Variants in PTPRT observed in about 807,000 individuals in gnomAD.
PTPRT encodes receptor-type tyrosine-protein phosphatase T.
In PTPRT, 56 loss-of-function variants were observed where a neutral mutation model predicts 176.8. That is an observed-to-expected ratio of 0.32 (90% confidence interval 0.26 to 0.40). The LOEUF is 0.40. Ranked by LOEUF, PTPRT falls within the 10% of genes least tolerant of loss-of-function variation. The probability of loss-of-function intolerance (pLI) is 1.00; values close to 1 mark genes in which losing one functional copy is unlikely to be tolerated. For synonymous variants in PTPRT, 783 were observed against 739.0 expected, an observed-to-expected ratio of 1.06 and a Z score of -0.96; for missense variants, 1,540 against 1,908.2, an observed-to-expected ratio of 0.81 and a Z score of 3.60.
intron 9 of PTPRT, among the ~76,000 whole-genome samples, chr20:42,431,455 G>A (rs1322480762): frequency 6.6e-6 from 1 of 152,070 alleles, no homozygotes; most frequent in African/African-American, 2.4e-5. Context: ...TATTTCCATG[G>A]TTCTATAAAG....
At chr20:43,137,664 C>T (rs1258087204) in intron 1 of PTPRT, among the ~76,000 whole-genome samples, 2 of 152,184 alleles carry the variant, frequency 1.3e-5, no homozygotes, top group African/African-American at 4.8e-5. Flanking sequence ...TCCCTGACTC[C>T]TCTTCCCCCA....
At position 42,916,292 on chromosome 20, in the gene PTPRT, A is replaced by T. The variant is rs147478781; in HGVS notation, c.89-30360T>A. On this transcript the variant is annotated intron_variant, in intron 1 of 30. Coordinates refer to ENST00000373187, the MANE Select transcript of PTPRT (RefSeq NM_007050.6). ...ATCCATGTCCCTACAAAGGACATGA[A>T]CTCATCACTTTTTATGGCTGCATAG... 3.5e-3 allele frequency among the ~76,000 whole-genome samples: 535 copies of T among 152,030 alleles called. 5 individuals carry two copies. Among genetic ancestry groups the T allele is most frequent in the African/African-American group, 0.012 (510 of 41,484 alleles).
At chr20:42,739,174 C>T (rs1467864896) in intron 6 of PTPRT, among the ~76,000 whole-genome samples, 1 of 152,184 alleles carries the variant, frequency 6.6e-6, no homozygotes, top group Non-Finnish European at 1.5e-5. Flanking sequence ...AGGCTCGACC[C>T]CTGCACCTGA....
chr20:42,828,736 G>T (rs1178023039), intron 2 of PTPRT, among the ~76,000 whole-genome samples: 1 of 152,196 alleles, frequency 6.6e-6, no homozygotes, highest in Non-Finnish European at 1.5e-5. Flanking sequence ...TCCATGTGGT[G>T]TTGAGCCTGA....
intron 1 of PTPRT, among the ~76,000 whole-genome samples, chr20:43,114,947 T>C (rs1195832090): frequency 6.6e-6 from 1 of 152,178 alleles, no homozygotes; most frequent in Non-Finnish European, 1.5e-5. Context: ...GAGCTGTAGT[T>C]ATAAATAGTA....
At chr20:43,085,431 C>A (rs1052943093) in intron 1 of PTPRT, among the ~76,000 whole-genome samples, 4 of 152,192 alleles carry the variant, frequency 2.6e-5, no homozygotes, top group Non-Finnish European at 5.9e-5. Flanking sequence ...ATTCATCCAA[C>A]AAGTATTATC....
At chr20:42,579,419 T>C (rs902349885) in intron 7 of PTPRT, among the ~76,000 whole-genome samples, 1 of 152,162 alleles carries the variant, frequency 6.6e-6, no homozygotes, top group African/African-American at 2.4e-5. Flanking sequence ...TTTGGGTAAA[T>C]ACCCAGTAAT....
chr20:42,288,385 T>G (rs1183974478), intron 12 of PTPRT, among the ~76,000 whole-genome samples: 1 of 151,940 alleles, frequency 6.6e-6, no homozygotes, highest in Non-Finnish European at 1.5e-5. Flanking sequence ...TTCAGAGGGT[T>G]GGTGTGCAGG....
chr20:42,970,428 T>G (rs1350392186), intron 1 of PTPRT, among the ~76,000 whole-genome samples: 1 of 152,138 alleles, frequency 6.6e-6, no homozygotes, highest in Non-Finnish European at 1.5e-5. Flanking sequence ...TTTCTCACAC[T>G]ACAGTGGTTA....
At chr20:42,804,813 G>C (rs75374490) in intron 2 of PTPRT, among the ~76,000 whole-genome samples, 1 of 152,234 alleles carries the variant, frequency 6.6e-6, no homozygotes, top group East Asian at 1.9e-4. Flanking sequence ...AGATTCACAT[G>C]GTTTATCCCT....
chr20:42,700,516 C>T (rs542909702), intron 6 of PTPRT, among the ~76,000 whole-genome samples: 49 of 152,354 alleles, frequency 3.2e-4, no homozygotes, highest in African/African-American at 1.0e-3. Context: ...AATAAAATCC[C>T]TGACCTACTT....
At chr20:42,996,365 T>A (rs1382577665) in intron 1 of PTPRT, among the ~76,000 whole-genome samples, 3 of 152,098 alleles carry the variant, frequency 2.0e-5, no homozygotes, top group Non-Finnish European at 2.9e-5. Context: ...CGACTGCATA[T>A]GAGAAGTGAG....
intron 18 of PTPRT, among the ~76,000 whole-genome samples, chr20:42,141,310 A>T (rs148912963): frequency 1.3e-5 from 2 of 152,304 alleles, no homozygotes; most frequent in East Asian, 3.9e-4. Flanking sequence ...GTGAGGCCTG[A>T]GCTGGGCATA....
intron 6 of PTPRT, among the ~76,000 whole-genome samples, chr20:42,740,801 G>C (rs1390869087): frequency 6.6e-6 from 1 of 152,152 alleles, no homozygotes; most frequent in Non-Finnish European, 1.5e-5. Flanking sequence ...GGAGGAGCCA[G>C]GGCAACATGG....
intron 9 of PTPRT, among the ~76,000 whole-genome samples, chr20:42,366,891 C>T (rs1031976526): frequency 1.3e-5 from 2 of 152,166 alleles, no homozygotes; most frequent in Admixed American, 1.3e-4. Context: ...CATTAGGCAC[C>T]CATTGGAGGG....
intron 1 of PTPRT, among the ~76,000 whole-genome samples, chr20:42,997,367 T>C (rs1046690278): frequency 2.0e-5 from 3 of 152,126 alleles, no homozygotes; most frequent in African/African-American, 7.2e-5. Context: ...TCCATTGAGA[T>C]GCTCACTTTT....
chr20:42,647,816 A>G (rs1258665090), intron 7 of PTPRT, among the ~76,000 whole-genome samples: 1 of 152,188 alleles, frequency 6.6e-6, no homozygotes, highest in Non-Finnish European at 1.5e-5. Flanking sequence ...AGATTTCAGA[A>G]CTAAAAGAAC....
At chr20:42,664,624 T>C (rs1016170536) in intron 7 of PTPRT, among the ~76,000 whole-genome samples, 1 of 152,226 alleles carries the variant, frequency 6.6e-6, no homozygotes, top group Non-Finnish European at 1.5e-5. Flanking sequence ...TAAGCAATTT[T>C]CAATTCATAT....
chr20:43,119,579 G>A (rs1297211138), intron 1 of PTPRT, among the ~76,000 whole-genome samples: 1 of 152,170 alleles, frequency 6.6e-6, no homozygotes, highest in Admixed American at 6.5e-5. Context: ...TCCTTTGAGT[G>A]TTCAGACCCA....
Sources: gnomAD v4.1 joint callset for allele counts (sites outside exome capture counted in the v4.1 genomes callset) on GRCh38, gnomAD v4.1.1 for gene constraint, MANE v1.5 for transcripts, NCBI Gene and HGNC (gene_info 2026-07-23, HGNC 2026-07-21) for gene names.